The following DARS2 variants were observed in gnomAD, a reference collection of about 807,000 sequenced individuals.
DARS2 encodes aspartyl-tRNA synthetase 2, mitochondrial, also known as aspartate--tRNA ligase, mitochondrial.
Under a neutral mutation model 83.0 loss-of-function variants are expected in DARS2, and 63 were observed. That is an observed-to-expected ratio of 0.76 (90% CI 0.62 to 0.94). The LOEUF is 0.94. Ranked by LOEUF, DARS2 falls within the 40% of genes least tolerant of loss-of-function variation. The pLI is 0.00. For missense variants in DARS2, 675 were observed against 774.4 expected (o/e 0.87, Z 1.52); for synonymous variants, 250 against 269.3 (o/e 0.93, Z 0.70).
intron 12 of DARS2, 39 bp downstream of exon 12, chr1:173,845,330 A>T (rs997572138): frequency 7.2e-7 from 1 of 1,393,586 alleles, no homozygotes; most frequent in South Asian, 1.2e-5. Context: ...CCTTATACAG[A>T]TTCAATATTT....
At position 173,825,109 on chromosome 1, in the gene DARS2, T is replaced by C; in HGVS notation, c.-121T>C. 6.8e-7 allele frequency: 1 copy of C among 1,466,386 alleles called. No homozygotes were observed. The allele number at this position is 1,466,386 out of a possible 1,614,324, so 90.8% of individuals were successfully genotyped here. A position where few individuals can be genotyped will look rare whatever the true frequency, so the allele number is the denominator to read the frequency against. ...TGTTGTGCGGAGGAGGCCTTAAATA[T>C]TCGAGAAGAGAGTGGGAACTCCTGG... On this transcript the variant is annotated 5_prime_UTR_variant, in exon 1 of 17. Coordinates refer to ENST00000649689, the MANE Select transcript of DARS2 (RefSeq NM_018122.5).
rs1403955236 is a variant in DARS2, at chr1:173,853,780, C to G, written c.1564-15C>G. ...AGACATTTTCTCTAACATAAAGTATCTGTGAATCTTCTAGGCCCGTAGCCA... is the reference window on the plus strand; with the variant it reads ...AGACATTTTCTCTAACATAAAGTATGTGTGAATCTTCTAGGCCCGTAGCCA... On this transcript the variant is annotated splice_polypyrimidine_tract_variant and intron_variant, in intron 14 of 16. Transcript: ENST00000649689. The G allele has an allele frequency of 6.2e-7, 1 of 1,606,234 alleles. No individual in the cohort carries two copies. Among genetic ancestry groups the G allele is most frequent in the Non-Finnish European group, 8.5e-7 (1 of 1,172,846 alleles).
rs1055597678 is a variant in DARS2 at position 173,857,647 on chromosome 1, A to G, written c.1880A>G (p.Lys627Arg). 1 of 1,614,154 alleles carries G rather than the reference A, an allele frequency of 6.2e-7. No individual in the cohort carries two copies. The highest frequency in any genetic ancestry group is 8.5e-7 in the Non-Finnish European group (1 of 1,180,022). The stretch of plus-strand genomic sequence containing the variant: ...GATTCTGTCCCTCCTGAGGAACTGA[A>G]GCCCTATCATATCCGAGTCTCCAAG... ...TPDSVPPEELKPYHIRVSKPT... is the reference protein window; with the variant it reads ...TPDSVPPEELRPYHIRVSKPT... Residue 627 changes from lysine to arginine, a missense_variant, in exon 17 of 17, where the codon AAG becomes AGG. By Grantham distance (26) the Lys-to-Arg change is conservative (BLOSUM62 2). Coordinates refer to ENST00000649689, the MANE Select transcript of DARS2 (RefSeq NM_018122.5).
At chr1:173,825,447 C>G in intron 1 of DARS2, 91 bp downstream of exon 1, 1 of 684,942 alleles carries the variant, frequency 1.5e-6, no homozygotes, top group South Asian at 2.0e-5. Context: ...CATTTTTTCC[C>G]CCATTATTAT....
At chr1:173,846,589 T>G (rs1016906699) in intron 12 of DARS2, among the ~76,000 whole-genome samples, 2 of 151,384 alleles carry the variant, frequency 1.3e-5, no homozygotes, top group African/African-American at 4.9e-5. Flanking sequence ...GCCCAGAAGT[T>G]TGAGACCAGC....
At position 173,825,128 on chromosome 1, in the gene DARS2, C is replaced by T. The variant is rs1446669258; in HGVS notation, c.-102C>T. The stretch of plus-strand genomic sequence containing the variant: ...TAAATATTCGAGAAGAGAGTGGGAA[C>T]TCCTGGAATTTTAAGGGATTTCTGT... On this transcript the variant is annotated 5_prime_UTR_variant, in exon 1 of 17. Transcript: ENST00000649689. 6.5e-7 allele frequency: 1 copy of T among 1,543,530 alleles called. No individual in the cohort carries two copies. Among genetic ancestry groups the T allele is most frequent in the East Asian group, 2.4e-5 (1 of 42,306 alleles).
intron 11 of DARS2, among the ~76,000 whole-genome samples, chr1:173,841,563 AACACTGTGGG>A (rs1653212486): frequency 6.6e-6 from 1 of 151,916 alleles, no homozygotes; most frequent in African/African-American, 2.4e-5. Context: ...CTATAATGCC[AACACTGTGGG>A]AGGTCAAGGC....
intron 3 of DARS2, among the ~76,000 whole-genome samples, chr1:173,828,948 T>C (rs1236808665): frequency 6.6e-6 from 1 of 152,038 alleles, no homozygotes; most frequent in Non-Finnish European, 1.5e-5. Context: ...CGGAAAAAAA[T>C]TGGGAACCAC....
intron 10 of DARS2, 125 bp downstream of exon 10, chr1:173,839,671 G>A (rs772290188): frequency 7.6e-5 from 66 of 867,582 alleles, no homozygotes; most frequent in Admixed American, 3.4e-4. Context: ...TGTTACCTTC[G>A]TTGTTACAGA....
At chr1:173,845,136 A>G in intron 11 of DARS2, 93 bp from the exon 12 acceptor site, 1 of 843,042 alleles carries the variant, frequency 1.2e-6, no homozygotes, top group East Asian at 2.5e-5. Context: ...TGTAATAGAA[A>G]GACACAAAAT....
intron 15 of DARS2, 148 bp from the exon 16 acceptor site, chr1:173,856,518 A>G: frequency 1.5e-6 from 1 of 689,442 alleles, no homozygotes; most frequent in Non-Finnish European, 2.5e-6. Flanking sequence ...TTTTCTTTAC[A>G]CTTTTCCAAT....
At chr1:173,856,437 T>C (rs1184967017) in intron 15 of DARS2, among the ~76,000 whole-genome samples, 2 of 152,222 alleles carry the variant, frequency 1.3e-5, no homozygotes, top group Non-Finnish European at 2.9e-5. Flanking sequence ...CACCAGGCAT[T>C]TTTGTACATG....
In DARS2 at chr1:173,840,858, T is replaced by C. The variant is rs1420146627; in HGVS notation, c.1021-8T>C. On this transcript the variant is annotated splice_region_variant and splice_polypyrimidine_tract_variant and intron_variant, in intron 10 of 16. Transcript: ENST00000649689. ...TTTAGTTATCTCTTTTTGTTACCCA[T>C]TTTCCAGATTATAGATATCAGTGAT... 2 of 1,503,238 alleles carry C rather than the reference T, an allele frequency of 1.3e-6. No homozygotes were observed. The highest frequency in any genetic ancestry group is 2.7e-5 in the African/African-American group (2 of 72,768). The allele number at this position is 1,503,238 out of a possible 1,614,324, so 93.1% of individuals were successfully genotyped here.
chr1:173,848,333 T>C (rs1425512170), intron 12 of DARS2, among the ~76,000 whole-genome samples: 1 of 152,226 alleles, frequency 6.6e-6, no homozygotes, highest in African/African-American at 2.4e-5. Flanking sequence ...AATAATAATT[T>C]GGCTTAGTAC....
chr1:173,831,776 C>A, intron 5 of DARS2, 146 bp downstream of exon 5: 1 of 685,686 alleles, frequency 1.5e-6, no homozygotes, highest in Non-Finnish European at 2.6e-6. Context: ...TCTCTTAGTT[C>A]TACAACTTCT....
chr1:173,844,669 C>CAAAAAAAAAAAAAAAAAAAA (rs549839808), intron 11 of DARS2, among the ~76,000 whole-genome samples: 2 of 29,892 alleles, frequency 6.7e-5, no homozygotes, highest in African/African-American at 1.6e-4. Context: ...GACTCCATCG[C>CAAAAAAAAAAAAAAAAAAAA]AAAAAAAAAA....
intron 11 of DARS2, 130 bp downstream of exon 11, chr1:173,841,103 G>A: frequency 1.4e-6 from 1 of 706,972 alleles, no homozygotes; most frequent in Non-Finnish European, 2.5e-6. Context: ...TGCTGGGCAT[G>A]GTGGCTCACA....
chr1:173,854,908 G>A (rs1408712640), intron 15 of DARS2, among the ~76,000 whole-genome samples: 2 of 152,186 alleles, frequency 1.3e-5, no homozygotes, highest in Non-Finnish European at 2.9e-5. Context: ...TTTGAAGTTT[G>A]TTGGTGATGC....
rs566829104 is a variant in DARS2 at position 173,830,706 on chromosome 1, C to G, written c.341C>G (p.Ser114Cys). 6.2e-7 allele frequency: 1 copy of G among 1,614,088 alleles called. No homozygotes were observed. The highest frequency in any genetic ancestry group is 1.1e-5 in the South Asian group (1 of 91,092). Residue 114 changes from serine (S) to cysteine (C), a missense_variant, in exon 4 of 17, where the codon TCT (serine) becomes TGT (cysteine). Physicochemically the swap from Ser to Cys is moderately radical, Grantham distance 112. Coordinates refer to ENST00000649689, the MANE Select transcript of DARS2 (RefSeq NM_018122.5). The stretch of plus-strand genomic sequence containing the variant: ...ATTTTATGTGAAGCCCCTGTGGAAT[C>G]TGTGGTGCAAGTGTCTGGTACAGTC... The part of the protein sequence containing the change: ...KKILCEAPVE[S>C]VVQVSGTVIS...
Sources: allele counts gnomAD v4.1 joint callset (sites outside exome capture counted in the v4.1 genomes callset), GRCh38; gene constraint gnomAD v4.1.1; transcripts MANE v1.5; gene names NCBI Gene and HGNC (gene_info 2026-07-23, HGNC 2026-07-21).